The following SLC25A21 variants were observed in gnomAD, a reference collection of about 807,000 sequenced individuals.
SLC25A21 encodes the protein solute carrier family 25 member 21.
A neutral mutation model predicts 43.8 loss-of-function variants in SLC25A21; 47 were observed. That is an observed-to-expected ratio of 1.07 (90% CI 0.85 to 1.37). SLC25A21 has a LOEUF of 1.37. SLC25A21 is among the 40% of genes most tolerant of loss of function. The pLI is 0.00. For missense variants in SLC25A21, 352 were observed against 350.2 expected (o/e 1.00, Z -0.04); for synonymous variants, 131 against 121.3 (o/e 1.08, Z -0.52).
intron 2 of SLC25A21, among the ~76,000 whole-genome samples, chr14:36,845,791 T>C (rs908130514): frequency 1.3e-5 from 2 of 152,226 alleles, no homozygotes; most frequent in East Asian, 1.9e-4. Context: ...GGGAATTCAA[T>C]GTAAATATGG....
At chr14:36,785,930 AATAG>A (rs774677836) in intron 3 of SLC25A21, among the ~76,000 whole-genome samples, 2 of 152,228 alleles carry the variant, frequency 1.3e-5, no homozygotes, top group Non-Finnish European at 2.9e-5. Flanking sequence ...ACCAGCTGGA[AATAG>A]ATACTGAAAT....
At chr14:36,699,358 G>A (rs1294643918) in intron 7 of SLC25A21, among the ~76,000 whole-genome samples, 1 of 152,212 alleles carries the variant, frequency 6.6e-6, no homozygotes, top group Non-Finnish European at 1.5e-5. Context: ...TGAGGGGTCT[G>A]TGGGTCCCTT....
intron 3 of SLC25A21, among the ~76,000 whole-genome samples, chr14:36,780,138 T>G (rs183513457): frequency 5.9e-4 from 89 of 152,020 alleles, no homozygotes; most frequent in Non-Finnish European, 1.3e-4. Context: ...CATATAATTG[T>G]TTATAGTAGT....
intron 1 of SLC25A21, among the ~76,000 whole-genome samples, chr14:36,909,372 TC>T (rs1891623075): frequency 6.6e-6 from 1 of 152,146 alleles, no homozygotes. Context: ...GAGCACCAAT[TC>T]CCTGATATGA....
chr14:36,738,092 C>G (rs1300529500), intron 3 of SLC25A21, among the ~76,000 whole-genome samples: 1 of 152,192 alleles, frequency 6.6e-6, no homozygotes, highest in Non-Finnish European at 1.5e-5. Context: ...TGTAGAACCT[C>G]TGTGCTGTGT....
intron 2 of SLC25A21, among the ~76,000 whole-genome samples, chr14:36,865,387 C>G (rs1224483274): frequency 1.3e-5 from 2 of 152,128 alleles, no homozygotes; most frequent in African/African-American, 4.8e-5. Flanking sequence ...TCCTCTGGTG[C>G]TGATTTCTGC....
At chr14:36,759,920 A>G (rs1389024350) in intron 3 of SLC25A21, among the ~76,000 whole-genome samples, 1 of 152,188 alleles carries the variant, frequency 6.6e-6, no homozygotes, top group South Asian at 2.1e-4. Flanking sequence ...GTGAGCCGAG[A>G]TCACGTCACT....
chr14:36,795,440 C>T (rs969156076), intron 3 of SLC25A21, among the ~76,000 whole-genome samples: 1 of 152,206 alleles, frequency 6.6e-6, no homozygotes, highest in Non-Finnish European at 1.5e-5. Flanking sequence ...TACCATTCTT[C>T]TTGCCTAACA....
chr14:36,858,195 T>A (rs563899315), intron 2 of SLC25A21, among the ~76,000 whole-genome samples: 8 of 152,106 alleles, frequency 5.3e-5, no homozygotes, highest in Non-Finnish European at 1.0e-4. Flanking sequence ...CAGAAGTGAA[T>A]GACCCATGAT....
chr14:36,814,321 T>C (rs575172269), intron 2 of SLC25A21, among the ~76,000 whole-genome samples: 11 of 152,306 alleles, frequency 7.2e-5, no homozygotes, highest in African/African-American at 2.6e-4. Context: ...ATTGTTTTAA[T>C]GTAGAATTCA....
intron 1 of SLC25A21, among the ~76,000 whole-genome samples, chr14:37,053,400 A>C (rs1184737600): frequency 6.6e-6 from 1 of 152,212 alleles, no homozygotes; most frequent in Non-Finnish European, 1.5e-5. Context: ...GATGAACATT[A>C]AATATGAGGC....
chr14:36,912,908 T>C (rs1340089745), intron 1 of SLC25A21, among the ~76,000 whole-genome samples: 1 of 152,152 alleles, frequency 6.6e-6, no homozygotes, highest in African/African-American at 2.4e-5. Flanking sequence ...ACCTTGAGAA[T>C]AAGAAATATT....
At chr14:36,969,035 C>A (rs187245218) in intron 1 of SLC25A21, among the ~76,000 whole-genome samples, 1 of 152,162 alleles carries the variant, frequency 6.6e-6, no homozygotes, top group Admixed American at 6.5e-5. Context: ...TATGAAGTTG[C>A]GGAGACATAA....
chr14:36,837,754 G>T (rs1889258057), intron 2 of SLC25A21, among the ~76,000 whole-genome samples: 5 of 152,172 alleles, frequency 3.3e-5, no homozygotes, highest in Admixed American at 3.3e-4. Context: ...CAACTCACTT[G>T]TATAGCTAAC....
chr14:37,150,612 C>T (rs1419693441), intron 1 of SLC25A21, among the ~76,000 whole-genome samples: 1 of 152,206 alleles, frequency 6.6e-6, no homozygotes, highest in East Asian at 1.9e-4. Context: ...CTAACTATAT[C>T]TGCAGAAAGC....
chr14:37,124,286 A>C (rs1291706761), intron 1 of SLC25A21, among the ~76,000 whole-genome samples: 1 of 152,118 alleles, frequency 6.6e-6, no homozygotes, highest in Non-Finnish European at 1.5e-5. Context: ...TCTTTAAGAT[A>C]CTTCCTTCTT....
Position 36,707,642 on chromosome 14 carries a change from T to C in SLC25A21, c.603+3676A>G, listed in dbSNP as rs190433123. 5.6e-3 allele frequency among the ~76,000 whole-genome samples: 859 copies of C among 152,354 alleles called. 4 individuals are homozygous for C. The highest frequency in any genetic ancestry group is 0.01 in the Non-Finnish European group (706 of 68,034). On this transcript the variant is annotated intron_variant, in intron 7 of 9. Coordinates refer to ENST00000331299, the MANE Select transcript of SLC25A21 (RefSeq NM_030631.4). ...CATTTGGCAAAGGAATCAGTGCTTTTAGCTTGGAGGCTAAAGCTTGGAAAT... is the reference window on the plus strand; with the variant it reads ...CATTTGGCAAAGGAATCAGTGCTTTCAGCTTGGAGGCTAAAGCTTGGAAAT...
At chr14:37,058,279 T>C (rs1961872798) in intron 1 of SLC25A21, among the ~76,000 whole-genome samples, 1 of 152,224 alleles carries the variant, frequency 6.6e-6, no homozygotes, top group Non-Finnish European at 1.5e-5. Flanking sequence ...AAAGCCTTTA[T>C]AGTATCTCTT....
chr14:36,974,217 C>T lies in SLC25A21; in HGVS notation c.71-99213G>A, dbSNP rs193054876. On this transcript the variant is annotated intron_variant, in intron 1 of 9. Transcript: ENST00000331299. ...GTTTACTGACTCTCAGTAATCCCAA[C>T]TTCTAGAATGACTTAGATGTTAACA... Among the ~76,000 whole-genome samples the T allele has an allele frequency of 6.8e-4, 103 of 152,318 alleles. 1 individual carries two copies. Among genetic ancestry groups the T allele is most frequent in the South Asian group, 1.2e-3 (6 of 4,830 alleles).
Sources: allele counts gnomAD v4.1 joint callset (sites outside exome capture counted in the v4.1 genomes callset), GRCh38; gene constraint gnomAD v4.1.1; transcripts MANE v1.5; gene names NCBI Gene and HGNC (gene_info 2026-07-23, HGNC 2026-07-21).